ALPL: variants seen among roughly 807,000 people sequenced by gnomAD.
The protein encoded by ALPL is alkaline phosphatase, tissue-nonspecific isozyme.
ALPL carries 42 observed loss-of-function variants against 51.3 expected under a neutral mutation model. The ratio of observed to expected loss-of-function variants is 0.82; its 90% confidence interval spans 0.64 to 1.06. The LOEUF is 1.06. ALPL is among the 50% of genes least tolerant of loss of function. ALPL has a pLI of 0.00. For missense variants in ALPL, 589 were observed against 709.4 expected (o/e 0.83, Z 1.93); for synonymous variants, 279 against 296.4 (o/e 0.94, Z 0.60).
chr1:21,561,424 CTGT>C (rs1558547875), intron 4 of ALPL, among the ~76,000 whole-genome samples: 4 of 152,172 alleles, frequency 2.6e-5, no homozygotes, highest in Non-Finnish European at 5.9e-5. Context: ...GGGTCTTGCT[CTGT>C]TGCCCAGGCT....
At chr1:21,524,237 C>A (rs1365194338) in intron 1 of ALPL, among the ~76,000 whole-genome samples, 1 of 152,090 alleles carries the variant, frequency 6.6e-6, no homozygotes, top group Non-Finnish European at 1.5e-5. Flanking sequence ...CTCCTGACCT[C>A]ATGATCTGCC....
At chr1:21,559,054 C>T (rs905628735) in intron 2 of ALPL, among the ~76,000 whole-genome samples, 1 of 152,146 alleles carries the variant, frequency 6.6e-6, no homozygotes, top group Non-Finnish European at 1.5e-5. Flanking sequence ...CTGTTCTTTA[C>T]CCACGGCCAC....
At chr1:21,554,814 TG>T (rs1558543884) in intron 2 of ALPL, among the ~76,000 whole-genome samples, 1 of 19,418 alleles carries the variant, frequency 5.1e-5, no homozygotes, top group Non-Finnish European at 1.2e-4. Flanking sequence ...TCTGTCTGTC[TG>T]TCTTTCTTTC....
At chr1:21,575,951 A>T in intron 10 of ALPL, 27 bp downstream of exon 10, 1 of 1,613,322 alleles carries the variant, frequency 6.2e-7, no homozygotes, top group African/African-American at 1.3e-5. Context: ...TGGGGTGGAC[A>T]CTCCTGGGGT....
intron 1 of ALPL, among the ~76,000 whole-genome samples, chr1:21,525,030 CTG>C (rs1431193843): frequency 1.3e-5 from 2 of 152,252 alleles, no homozygotes; most frequent in African/African-American, 4.8e-5. Flanking sequence ...GAGTTTCTAT[CTG>C]AGGCTTCCAG....
chr1:21,565,254 C>T (rs1644546672), intron 6 of ALPL, among the ~76,000 whole-genome samples: 1 of 152,206 alleles, frequency 6.6e-6, no homozygotes, highest in Non-Finnish European at 1.5e-5. Context: ...GGATTAAGTA[C>T]CCGCTTTCAG....
At chr1:21,514,539 T>G (rs1393737414) in intron 1 of ALPL, among the ~76,000 whole-genome samples, 1 of 152,154 alleles carries the variant, frequency 6.6e-6, no homozygotes, top group East Asian at 1.9e-4. Context: ...AGCAAGCATC[T>G]TAGAATCGCC....
At chr1:21,545,576 C>T (rs1405575044) in intron 1 of ALPL, among the ~76,000 whole-genome samples, 1 of 151,900 alleles carries the variant, frequency 6.6e-6, no homozygotes, top group Non-Finnish European at 1.5e-5. Context: ...CAGGAGTGAG[C>T]CACCATGCCC....
intron 1 of ALPL, among the ~76,000 whole-genome samples, chr1:21,527,757 C>T (rs1643967870): frequency 6.6e-6 from 1 of 151,900 alleles, no homozygotes; most frequent in East Asian, 1.9e-4. Flanking sequence ...ACCTTGTTGG[C>T]TAGGCTGGTC....
intron 1 of ALPL, among the ~76,000 whole-genome samples, chr1:21,511,150 C>T (rs900135544): frequency 6.6e-6 from 1 of 152,228 alleles, no homozygotes; most frequent in African/African-American, 2.4e-5. Context: ...GCCAAAAGCC[C>T]TCTTCTGGAT....
intron 1 of ALPL, among the ~76,000 whole-genome samples, chr1:21,539,270 G>A (rs1395013672): frequency 6.6e-6 from 1 of 152,144 alleles, no homozygotes; most frequent in Non-Finnish European, 1.5e-5. Flanking sequence ...GTAAAATGGG[G>A]ATAATAATAG....
chr1:21,550,540 G>C (rs1644307264), intron 1 of ALPL, among the ~76,000 whole-genome samples: 1 of 152,148 alleles, frequency 6.6e-6, no homozygotes, highest in Non-Finnish European at 1.5e-5. Context: ...GTTCATGTAA[G>C]CTCCCAAAGA....
chr1:21,552,109 T>TCCCCC (rs1558542051), intron 1 of ALPL, among the ~76,000 whole-genome samples: 2 of 1,694 alleles, frequency 1.2e-3, no homozygotes, highest in African/African-American at 2.2e-3. Context: ...TTCCCTTTCC[T>TCCCCC]CCCCTTCCCT....
chr1:21,561,980 G>T (rs1644492157), intron 4 of ALPL, among the ~76,000 whole-genome samples: 1 of 152,144 alleles, frequency 6.6e-6, no homozygotes, highest in Non-Finnish European at 1.5e-5. Flanking sequence ...ATACACTTTT[G>T]CATGAAGTTC....
chr1:21,568,314 G>T (rs747907778), intron 7 of ALPL, 67 bp downstream of exon 7: 1 of 1,607,178 alleles, frequency 6.2e-7, no homozygotes, highest in Non-Finnish European at 8.5e-7. Context: ...TGTGACCCCT[G>T]CTCTGAAGTT....
In ALPL at chr1:21,563,256, C is replaced by T. The variant is rs1419358746; in HGVS notation, c.444C>T (p.Thr148=). The change falls in exon 5 of 12, where the codon ACC becomes ACT. Residue 148 remains threonine, a synonymous_variant. Transcript: ENST00000374840. The part of the protein sequence containing the change: ...RCNTTQGNEV[T]SILRWAKDAG... Reference sequence around the variant, plus strand: ...ACACCACCCAGGGGAACGAGGTCACCTCCATCCTGCGCTGGGCCAAGGACG... The same window carrying T: ...ACACCACCCAGGGGAACGAGGTCACTTCCATCCTGCGCTGGGCCAAGGACG... 6.2e-7 allele frequency: 1 copy of T among 1,613,314 alleles called. No homozygotes were observed. The highest frequency in any genetic ancestry group is 8.5e-7 in the Non-Finnish European group (1 of 1,179,708).
rs1320806645 is a variant in ALPL, at chr1:21,553,996, CA to C, written c.-85del. 9.1e-7 allele frequency: 1 copy of C among 1,103,578 alleles called. No homozygotes were observed. The highest frequency in any genetic ancestry group is 1.7e-5 in the Admixed American group (1 of 59,204). 68.4% of individuals were successfully genotyped at this position (1,103,578 alleles called of 1,614,324 possible). ...TTTCTAGGATTGGAACATCAGTTAA[CA>C]TCTGACCACTGCCAGCCCACCCCCT... On this transcript the variant is annotated 5_prime_UTR_variant, in exon 2 of 12. Transcript: ENST00000374840.
intron 8 of ALPL, 86 bp downstream of exon 8, chr1:21,570,460 C>T: frequency 7.1e-7 from 1 of 1,406,478 alleles, no homozygotes; most frequent in Non-Finnish European, 1.0e-6. Context: ...GGACAAGGCC[C>T]TAGCCTGACG....
At chr1:21,550,381 C>A (rs1644305376) in intron 1 of ALPL, among the ~76,000 whole-genome samples, 1 of 152,098 alleles carries the variant, frequency 6.6e-6, no homozygotes, top group Admixed American at 6.6e-5. Context: ...CCGTCCAGAG[C>A]CTTGGTTTTC....
Sources: gnomAD v4.1 joint callset for allele counts (sites outside exome capture counted in the v4.1 genomes callset) on GRCh38, gnomAD v4.1.1 for gene constraint, MANE v1.5 for transcripts, NCBI Gene and HGNC (gene_info 2026-07-23, HGNC 2026-07-21) for gene names.